FERMT2: variants seen among roughly 807,000 people sequenced by gnomAD.
FERMT2 encodes FERM domain containing kindlin 2, also known as fermitin family homolog 2.
Under a neutral mutation model 82.7 loss-of-function variants are expected in FERMT2, and 15 were observed. The ratio of observed to expected loss-of-function variants is 0.18; its 90% CI spans 0.12 to 0.28. FERMT2 has a LOEUF of 0.28. Among genes scored for constraint, FERMT2 ranks in the 10% least tolerant of loss-of-function variants. The pLI, the probability that FERMT2 is intolerant of heterozygous loss-of-function variation, is 1.00. For missense variants in FERMT2, 645 were observed against 809.4 expected (o/e 0.80, Z 2.46); for synonymous variants, 274 against 271.5 (o/e 1.01, Z -0.09).
At chr14:52,859,398 G>T (rs1884763216) in intron 14 of FERMT2, 175 bp downstream of exon 14, 2 of 549,714 alleles carry the variant, frequency 3.6e-6, no homozygotes, top group African/African-American at 2.0e-5. Flanking sequence ...TTAGTAACTG[G>T]GCTAATTATG....
rs943210836 is a variant in FERMT2, at chr14:52,948,646, C to A, written c.157+1766G>T. On this transcript the variant is annotated intron_variant, in intron 2 of 14. Coordinates refer to ENST00000341590, the MANE Select transcript of FERMT2 (RefSeq NM_006832.3). Reference sequence around the variant, plus strand: ...AGATTATAGTCATTTAAATTAACATCATTTCTGTCTGCAGTTTATTCTCTA... The same window carrying A: ...AGATTATAGTCATTTAAATTAACATAATTTCTGTCTGCAGTTTATTCTCTA... 8.7e-5 allele frequency: 39 copies of A among 449,980 alleles called. 1 individual carries two copies. Among genetic ancestry groups the A allele is most frequent in the South Asian group, 6.2e-4 (39 of 62,754 alleles). The allele number at this position is 449,980 out of a possible 1,614,324, so 27.9% of individuals were successfully genotyped here.
intron 3 of FERMT2, among the ~76,000 whole-genome samples, chr14:52,906,617 T>C (rs982286985): frequency 1.3e-5 from 2 of 151,728 alleles, no homozygotes; most frequent in Non-Finnish European, 2.9e-5. Context: ...ACTCCATATG[T>C]TTAAGAAACT....
rs144638737 is a variant in FERMT2, at chr14:52,902,176, T to C, written c.392-8749A>G. On this transcript the variant is annotated intron_variant, in intron 3 of 14. Transcript: ENST00000341590. ...GGGAGGCCGAGGTGGGTGGATCACTTGAGGTCAGGAATTCAAGATCAGCCT... is the reference window on the plus strand; with the variant it reads ...GGGAGGCCGAGGTGGGTGGATCACTCGAGGTCAGGAATTCAAGATCAGCCT... Among the ~76,000 whole-genome samples the C allele has an allele frequency of 7.8e-3, 1,170 of 150,788 alleles. 7 individuals carry two copies. Among genetic ancestry groups the C allele is most frequent in the African/African-American group, 0.026 (1,081 of 41,116 alleles).
At position 52,893,359 on chromosome 14, in the gene FERMT2, T is replaced by G. The variant is rs370579036; in HGVS notation, c.460A>C (p.Lys154Gln). ...PRDPTKKKKKKLDDQSEDEAL... is the reference protein window; with the variant it reads ...PRDPTKKKKKQLDDQSEDEAL... ...TCATCTTCAGACTGGTCATCTAGCTTCTTCTTTTTTTTCTTTGTTGGATCT... is the reference window on the plus strand; with the variant it reads ...TCATCTTCAGACTGGTCATCTAGCTGCTTCTTTTTTTTCTTTGTTGGATCT... The change falls in exon 4 of 15, where the codon AAG (lysine) becomes CAG (glutamine). Residue 154 changes from lysine (K) to glutamine (Q), a missense_variant. Lys to Gln is a moderately conservative substitution (Grantham distance 53). Coordinates refer to ENST00000341590, the MANE Select transcript of FERMT2 (RefSeq NM_006832.3). 3.2e-5 allele frequency: 51 copies of G among 1,612,712 alleles called. No homozygotes were observed. In the African/African-American group the frequency reaches 4.7e-4, roughly 15 times the overall value.
At chr14:52,876,274 A>G (rs1952090) in intron 7 of FERMT2, among the ~76,000 whole-genome samples, 115,328 of 152,162 alleles carry the variant, frequency 0.76, 46,772 homozygotes, top group Non-Finnish European at 0.89. Flanking sequence ...GACTACTTCA[A>G]TTGTGCTGAA....
intron 2 of FERMT2, among the ~76,000 whole-genome samples, chr14:52,948,189 T>C (rs1890449114): frequency 6.6e-6 from 1 of 152,244 alleles, no homozygotes; most frequent in Admixed American, 6.5e-5. Context: ...CTCTAGCCAC[T>C]GTTGGCAAGT....
intron 3 of FERMT2, among the ~76,000 whole-genome samples, chr14:52,905,146 G>A (rs535854879): frequency 4.9e-5 from 7 of 144,120 alleles, no homozygotes; most frequent in East Asian, 2.1e-4. Context: ...CCAAGATTGC[G>A]CCACTGCACT....
At chr14:52,887,612 G>C (rs1376428322) in intron 4 of FERMT2, among the ~76,000 whole-genome samples, 3 of 151,826 alleles carry the variant, frequency 2.0e-5, no homozygotes, top group African/African-American at 7.3e-5. Flanking sequence ...AGGATTACTT[G>C]AGGCCAAGAG....
intron 3 of FERMT2, among the ~76,000 whole-genome samples, chr14:52,901,033 G>A (rs2139576034): frequency 6.6e-6 from 1 of 150,480 alleles, no homozygotes; most frequent in African/African-American, 2.4e-5. Context: ...GGCCGAGGCG[G>A]GCGGATCACG....
chr14:52,941,177 T>C (rs1230174364), intron 2 of FERMT2, among the ~76,000 whole-genome samples: 1 of 152,160 alleles, frequency 6.6e-6, no homozygotes, highest in Non-Finnish European at 1.5e-5. Context: ...GAAGCTAACA[T>C]GTATTATGCT....
chr14:52,893,342 A>T lies in FERMT2; in HGVS notation c.477T>A (p.Ser159=), dbSNP rs758178225. The T allele has an allele frequency of 2.0e-5, 32 of 1,613,154 alleles. No individual in the cohort carries two copies. Among genetic ancestry groups the T allele is most frequent in the Middle Eastern group, 1.6e-4 (1 of 6,078 alleles). The change falls in exon 4 of 15, where the codon TCT becomes TCA. Residue 159 remains serine, a synonymous_variant. Coordinates refer to ENST00000341590, the MANE Select transcript of FERMT2 (RefSeq NM_006832.3). ...CCTCTAATTCAAGTGCCTCATCTTC[A>T]GACTGGTCATCTAGCTTCTTCTTTT... The part of the protein sequence containing the change: ...KKKKKKLDDQ[S]EDEALELEGP...
In FERMT2 at chr14:52,859,947, A is replaced by T. The variant is rs565261479; in HGVS notation, c.1728-233T>A. The T allele has an allele frequency of 1.3e-4, 38 of 287,912 alleles. 1 individual carries two copies. In the South Asian group the frequency reaches 3.4e-3, roughly 26 times the overall value. The allele number at this position is 287,912 out of a possible 1,614,324, so 17.8% of individuals were successfully genotyped here. A position where few individuals can be genotyped will look rare whatever the true frequency, so the allele number is the denominator to read the frequency against. On this transcript the variant is annotated intron_variant, in intron 13 of 14. Coordinates refer to ENST00000341590, the MANE Select transcript of FERMT2 (RefSeq NM_006832.3). ...ATTCTCCTGCCTCAGCCTCCCGAGT[A>T]GCTGGGACTACAGGCGCCCACCACC...
Position 52,891,989 on chromosome 14 carries a change from TAACAATACCAAACACAGAAA to T in FERMT2, c.526+1284_526+1303del, listed in dbSNP as rs530957255. 4.6e-5 allele frequency among the ~76,000 whole-genome samples: 7 copies of T among 152,054 alleles called. No individual in the cohort carries two copies. In the East Asian group the frequency reaches 1.2e-3, roughly 25 times the overall value. On this transcript the variant is annotated intron_variant, in intron 4 of 14. Coordinates refer to ENST00000341590, the MANE Select transcript of FERMT2 (RefSeq NM_006832.3). Reference sequence around the variant, plus strand: ...CATTAGCAAGGAAGAACACACAGTATAACAATACCAAACACAGAAAAGTCTGCTGACTCATGACAGAAAGA... The same window carrying T: ...CATTAGCAAGGAAGAACACACAGTATAGTCTGCTGACTCATGACAGAAAGA...
chr14:52,884,719 G>A (rs1481991745), intron 4 of FERMT2, among the ~76,000 whole-genome samples: 1 of 151,926 alleles, frequency 6.6e-6, no homozygotes, highest in African/African-American at 2.4e-5. Flanking sequence ...TTAAAATTCT[G>A]TTACTGTAAG....
chr14:52,916,257 T>C (rs1888606058), intron 3 of FERMT2, among the ~76,000 whole-genome samples: 1 of 151,756 alleles, frequency 6.6e-6, no homozygotes. Context: ...GGCAGAAGAA[T>C]TGCTTGAACC....
chr14:52,898,437 T>C (rs770277409), intron 3 of FERMT2, among the ~76,000 whole-genome samples: 1 of 152,200 alleles, frequency 6.6e-6, no homozygotes, highest in African/African-American at 2.4e-5. Context: ...CAATAATTAC[T>C]ATAATTAGGT....
At chr14:52,889,010 G>A (rs1886770736) in intron 4 of FERMT2, among the ~76,000 whole-genome samples, 1 of 152,160 alleles carries the variant, frequency 6.6e-6, no homozygotes, top group South Asian at 2.1e-4. Context: ...TGTGTGCACA[G>A]TGCAATGGTG....
intron 10 of FERMT2, among the ~76,000 whole-genome samples, chr14:52,866,291 T>C (rs1885274673): frequency 6.6e-6 from 1 of 152,170 alleles, no homozygotes; most frequent in Non-Finnish European, 1.5e-5. Flanking sequence ...CCAATTAGTG[T>C]ACATCTGAAA....
intron 3 of FERMT2, among the ~76,000 whole-genome samples, chr14:52,895,782 A>C (rs573552641): frequency 6.6e-6 from 1 of 152,182 alleles, no homozygotes; most frequent in Non-Finnish European, 1.5e-5. Context: ...TGGTGTATCT[A>C]TTATACTACA....
Sources: gnomAD v4.1 joint callset for allele counts (sites outside exome capture counted in the v4.1 genomes callset) on GRCh38, gnomAD v4.1.1 for gene constraint, MANE v1.5 for transcripts, NCBI Gene and HGNC (gene_info 2026-07-23, HGNC 2026-07-21) for gene names.